Variants in PACS1 observed in about 807,000 individuals in gnomAD.
PACS1 encodes PACS-1.
In PACS1, 24 loss-of-function variants were observed where a neutral mutation model predicts 115.0. The ratio of observed to expected loss-of-function variants is 0.21; its 90% CI spans 0.15 to 0.29. PACS1 has a LOEUF of 0.29. Ranked by LOEUF, PACS1 falls within the 10% of genes least tolerant of loss-of-function variation. The pLI, the probability that PACS1 is intolerant of heterozygous loss-of-function variation, is 1.00. For missense variants in PACS1, 838 were observed against 1,251.2 expected, an observed-to-expected ratio of 0.67 and a Z score of 4.98; for synonymous variants, 453 against 504.5, an observed-to-expected ratio of 0.90 and a Z score of 1.37.
At chr11:66,083,089 T>C (rs1857515736) in intron 1 of PACS1, among the ~76,000 whole-genome samples, 1 of 152,182 alleles carries the variant, frequency 6.6e-6, no homozygotes, top group Non-Finnish European at 1.5e-5. Context: ...GTTTATGAAA[T>C]TATGTCCTCA....
chr11:66,111,470 A>T (rs184832502), intron 1 of PACS1, among the ~76,000 whole-genome samples: 99 of 152,278 alleles, frequency 6.5e-4, no homozygotes, highest in Middle Eastern at 3.4e-3. Flanking sequence ...TGCCTATTTG[A>T]CATCTGCATT....
chr11:66,103,859 A>G (rs1425892571), intron 1 of PACS1, among the ~76,000 whole-genome samples: 2 of 151,976 alleles, frequency 1.3e-5, no homozygotes, highest in African/African-American at 4.8e-5. Context: ...TGTGTGATGA[A>G]TCCCTGTGTA....
intron 11 of PACS1, among the ~76,000 whole-genome samples, chr11:66,228,363 TTA>T (rs1202250504): frequency 6.6e-6 from 1 of 151,986 alleles, no homozygotes; most frequent in East Asian, 1.9e-4. Flanking sequence ...TATTTTAGCC[TTA>T]TGTTTTCTAT....
intron 14 of PACS1, 45 bp downstream of exon 14, chr11:66,232,321 G>T: frequency 9.0e-7 from 1 of 1,115,700 alleles, no homozygotes; most frequent in East Asian, 2.4e-5. Flanking sequence ...TGGAGGGCAG[G>T]CAATGCCCGG....
At chr11:66,194,207 G>A (rs540492689) in intron 2 of PACS1, among the ~76,000 whole-genome samples, 1 of 152,132 alleles carries the variant, frequency 6.6e-6, no homozygotes, top group East Asian at 1.9e-4. Flanking sequence ...CTCATGATCC[G>A]CTTGCCTCAG....
intron 1 of PACS1, among the ~76,000 whole-genome samples, chr11:66,144,305 T>A (rs1859068666): frequency 6.6e-6 from 1 of 152,214 alleles, no homozygotes; most frequent in African/African-American, 2.4e-5. Context: ...TACAGCACTA[T>A]GAACCATTTC....
intron 1 of PACS1, among the ~76,000 whole-genome samples, chr11:66,157,717 T>C (rs1449292246): frequency 6.6e-6 from 1 of 151,946 alleles, no homozygotes; most frequent in Non-Finnish European, 1.5e-5. Flanking sequence ...ACAGACACCA[T>C]CTCTGCCCAC....
At chr11:66,203,224 A>C (rs1379785171) in intron 2 of PACS1, among the ~76,000 whole-genome samples, 1 of 152,162 alleles carries the variant, frequency 6.6e-6, no homozygotes, top group Non-Finnish European at 1.5e-5. Flanking sequence ...GAACAATCTG[A>C]AAAAGAAATC....
intron 1 of PACS1, among the ~76,000 whole-genome samples, chr11:66,137,849 A>T (rs1277482888): frequency 6.6e-6 from 1 of 152,184 alleles, no homozygotes; most frequent in Non-Finnish European, 1.5e-5. Context: ...TGTTTCTCAG[A>T]CTTTAATGTG....
chr11:66,233,031 C>T lies in PACS1; in HGVS notation c.1803C>T (p.Ala601=), dbSNP rs371400214. The T allele has an allele frequency of 9.3e-6, 15 of 1,611,450 alleles. No individual in the cohort carries two copies. The highest frequency in any genetic ancestry group is 4.5e-5 in the East Asian group (2 of 44,884). Residue 601 remains alanine, a synonymous_variant, in exon 15 of 24, where the codon GCC becomes GCT. Coordinates refer to ENST00000320580, the MANE Select transcript of PACS1 (RefSeq NM_018026.4). The surrounding 1 kb of genome is among the most constrained non-coding windows in gnomAD (Gnocchi z 4.5). The part of the protein sequence containing the change: ...VCTCSTVEVQ[A]VLSALLTRIQ... ...CCTGCTCCACCGTGGAGGTCCAGGC[C>T]GTGCTGTCCGCCCTGCTCACCCGGA...
Position 66,235,948 on chromosome 11 carries a change from C to T in PACS1, c.2250+8C>T. The T allele has an allele frequency of 6.2e-7, 1 of 1,612,700 alleles. No individual in the cohort carries two copies. Among genetic ancestry groups the T allele is most frequent in the Non-Finnish European group, 8.5e-7 (1 of 1,178,654 alleles). On this transcript the variant is annotated splice_region_variant and intron_variant, in intron 19 of 23. Coordinates refer to ENST00000320580, the MANE Select transcript of PACS1 (RefSeq NM_018026.4). The surrounding 1 kb of genome is among the most constrained non-coding windows in gnomAD (Gnocchi z 5.6). ...TTTATTCCCTTCATTGGCGTGAGTA[C>T]TGACTCCCTCTGCTTGGCACCCCAC...
chr11:66,163,490 A>C (rs916824325), intron 1 of PACS1, among the ~76,000 whole-genome samples: 1 of 152,160 alleles, frequency 6.6e-6, no homozygotes, highest in Non-Finnish European at 1.5e-5. Flanking sequence ...TCTGATACAA[A>C]GCTAGATGAT....
chr11:66,230,704 C>G, intron 12 of PACS1, 41 bp downstream of exon 12: 1 of 1,611,080 alleles, frequency 6.2e-7, no homozygotes, highest in Non-Finnish European at 8.5e-7. Flanking sequence ...CAGCCTGCAG[C>G]TGTGCTTAGC....
chr11:66,107,852 C>T (rs1858086813), intron 1 of PACS1, among the ~76,000 whole-genome samples: 1 of 152,232 alleles, frequency 6.6e-6, no homozygotes, highest in Non-Finnish European at 1.5e-5. Flanking sequence ...GTGTTTCACT[C>T]TTGGAGCTGC....
At chr11:66,078,913 TC>T (rs1857436327) in intron 1 of PACS1, among the ~76,000 whole-genome samples, 1 of 152,194 alleles carries the variant, frequency 6.6e-6, no homozygotes, top group Non-Finnish European at 1.5e-5. Context: ...TGTTTTCTTT[TC>T]TTTTTCTTTT....
At chr11:66,211,024 C>A in intron 3 of PACS1, 110 bp from the exon 4 acceptor site, 2 of 1,296,842 alleles carry the variant, frequency 1.5e-6, no homozygotes, top group Non-Finnish European at 2.2e-6. Context: ...CTGACTGCCC[C>A]CTTTTAGAGA....
intron 1 of PACS1, among the ~76,000 whole-genome samples, chr11:66,173,925 G>A (rs1340723654): frequency 6.6e-6 from 1 of 152,002 alleles, no homozygotes; most frequent in Non-Finnish European, 1.5e-5. Context: ...GGTGGCACGC[G>A]CCTGTAATCC....
chr11:66,144,698 A>G (rs1250676708), intron 1 of PACS1, among the ~76,000 whole-genome samples: 2 of 152,226 alleles, frequency 1.3e-5, no homozygotes, highest in African/African-American at 4.8e-5. Context: ...CAGTGGCACA[A>G]TCTCGGCTCG....
At chr11:66,107,454 G>C (rs1858075760) in intron 1 of PACS1, among the ~76,000 whole-genome samples, 1 of 152,020 alleles carries the variant, frequency 6.6e-6, no homozygotes, top group African/African-American at 2.4e-5. Context: ...ATTGTTTACT[G>C]TCTCCCTGTT....
Sources: allele counts gnomAD v4.1 joint callset (sites outside exome capture counted in the v4.1 genomes callset), GRCh38; gene constraint gnomAD v4.1.1; non-coding constraint Gnocchi (gnomAD v3.1); transcripts MANE v1.5; gene names NCBI Gene and HGNC (gene_info 2026-07-23, HGNC 2026-07-21).